The following HIVEP1 variants were observed in gnomAD, a reference collection of about 807,000 sequenced individuals.
HIVEP1 encodes zinc finger protein 40.
A neutral mutation model predicts 180.0 loss-of-function variants in HIVEP1; 36 were observed. The ratio of observed to expected loss-of-function variants is 0.20; its 90% CI spans 0.15 to 0.26. HIVEP1 has a LOEUF of 0.26. HIVEP1 is among the 10% of genes least tolerant of loss of function. The pLI, the probability that HIVEP1 is intolerant of heterozygous loss-of-function variation, is 1.00. For synonymous variants in HIVEP1, 1,239 were observed against 1,239.0 expected, an observed-to-expected ratio of 1.00 and a Z score of 0.00; for missense variants, 3,143 against 3,268.7, an observed-to-expected ratio of 0.96 and a Z score of 0.94.
the HIVEP1 span, among the ~76,000 whole-genome samples, chr6:12,179,332 G>C: frequency 6.6e-6 from 1 of 152,040 alleles, no homozygotes; most frequent in Non-Finnish European, 1.5e-5. Flanking sequence ...CAGTGGTCCT[G>C]TTCCTCACCT....
the HIVEP1 span, among the ~76,000 whole-genome samples, chr6:12,179,764 A>G: frequency 2.0e-5 from 3 of 152,212 alleles, no homozygotes; most frequent in African/African-American, 7.2e-5. Flanking sequence ...AGCAAAACCA[A>G]AAGTTCAGTA....
intron 2 of HIVEP1, among the ~76,000 whole-genome samples, chr6:12,062,050 T>C (rs542801296): frequency 6.6e-6 from 1 of 152,296 alleles, no homozygotes; most frequent in African/African-American, 2.4e-5. Flanking sequence ...TAATGCATAT[T>C]ACAACTTATT....
At chr6:12,146,697 G>C (rs1759393087) in intron 7 of HIVEP1, among the ~76,000 whole-genome samples, 2 of 152,090 alleles carry the variant, frequency 1.3e-5, no homozygotes, top group Admixed American at 1.3e-4. Flanking sequence ...CCTCAGTAAT[G>C]ATCATTCCAG....
At position 12,120,820 on chromosome 6, in the gene HIVEP1, G is replaced by A. The variant is rs1281453245; in HGVS notation, c.1025G>A (p.Arg342Lys). The A allele has an allele frequency of 1.9e-6, 3 of 1,614,034 alleles. No homozygotes were observed. Among genetic ancestry groups the A allele is most frequent in the Non-Finnish European group, 2.5e-6 (3 of 1,180,030 alleles). Residue 342 changes from arginine (R) to lysine (K), a missense_variant, in exon 4 of 9, where the codon AGA becomes AAA. Arg to Lys is a conservative substitution (Grantham distance 26, BLOSUM62 2). Coordinates refer to ENST00000379388, the MANE Select transcript of HIVEP1 (RefSeq NM_002114.4). ...SSVGLTSPSS[R>K]SQVTPQNQQM... ...GTAGGCCTAACTTCACCTTCCAGTA[G>A]ATCTCAGGTTACTCCTCAAAACCAG...
the HIVEP1 span, among the ~76,000 whole-genome samples, chr6:12,173,485 A>G: frequency 6.6e-6 from 1 of 152,230 alleles, no homozygotes; most frequent in African/African-American, 2.4e-5. Flanking sequence ...TAAAAAGCGT[A>G]AGAGAGAAAA....
chr6:12,070,105 T>G (rs553772322), intron 2 of HIVEP1, among the ~76,000 whole-genome samples: 32 of 152,294 alleles, frequency 2.1e-4, no homozygotes, highest in Middle Eastern at 3.4e-3. Context: ...GAACAGTGCT[T>G]CTTCTGGAAT....
At chr6:12,113,079 G>A (rs1027520360) in intron 3 of HIVEP1, among the ~76,000 whole-genome samples, 2 of 151,786 alleles carry the variant, frequency 1.3e-5, no homozygotes, top group African/African-American at 4.8e-5. Flanking sequence ...CTCTGGCCTC[G>A]TCCTGCCCCT....
the HIVEP1 span, among the ~76,000 whole-genome samples, chr6:12,206,269 G>C: frequency 6.6e-6 from 1 of 152,128 alleles, no homozygotes; most frequent in Non-Finnish European, 1.5e-5. Context: ...GAGTAGCTGG[G>C]ATTGCAGGTG....
At chr6:12,110,427 T>C (rs956851466) in intron 3 of HIVEP1, among the ~76,000 whole-genome samples, 12 of 152,258 alleles carry the variant, frequency 7.9e-5, no homozygotes, top group African/African-American at 2.7e-4. Flanking sequence ...TCAGTTATCT[T>C]AGCAAAATCT....
chr6:12,071,028 T>A (rs1771933410), intron 2 of HIVEP1, among the ~76,000 whole-genome samples: 2 of 152,212 alleles, frequency 1.3e-5, no homozygotes, highest in South Asian at 4.1e-4. Flanking sequence ...TCAGAATCAG[T>A]AGGTCCTGAC....
chr6:12,050,176 C>T (rs751548821), intron 2 of HIVEP1, among the ~76,000 whole-genome samples: 74 of 152,298 alleles, frequency 4.9e-4, no homozygotes, highest in Admixed American at 2.1e-3. Context: ...TAGTAAACCG[C>T]GATTGGGTTT....
At chr6:12,159,218 G>A (rs1034052187) in intron 7 of HIVEP1, among the ~76,000 whole-genome samples, 7 of 151,582 alleles carry the variant, frequency 4.6e-5, no homozygotes, top group Admixed American at 6.6e-5. Flanking sequence ...GCGCGCGCGC[G>A]TGCACGTGCA....
At chr6:12,131,937 T>G (rs1758445147) in intron 6 of HIVEP1, among the ~76,000 whole-genome samples, 1 of 152,162 alleles carries the variant, frequency 6.6e-6, no homozygotes, top group African/African-American at 2.4e-5. Flanking sequence ...TTACATTTTT[T>G]GGCTAGTATT....
chr6:12,029,560 C>T (rs1451094807), intron 2 of HIVEP1, among the ~76,000 whole-genome samples: 2 of 151,738 alleles, frequency 1.3e-5, no homozygotes, highest in East Asian at 3.9e-4. Flanking sequence ...ATTTTGATTT[C>T]TCTTTCTTTT....
rs1771340307 is a variant in HIVEP1, at chr6:12,063,024, C to T, written c.41-26160C>T. The stretch of plus-strand genomic sequence containing the variant: ...TTCTTGTGCTAAATGTGAAGACTCC[C>T]CTGTTAGTAGTAGTTATTGCTAACA... On this transcript the variant is annotated intron_variant, in intron 2 of 8. Transcript: ENST00000379388. This position sits in a 1 kb window ranked among gnomAD's most constrained non-coding sequence, Gnocchi z 4.2. Among the ~76,000 whole-genome samples, 1 of 152,020 alleles carries T rather than the reference C, an allele frequency of 6.6e-6. No individual in the cohort carries two copies. The highest frequency in any genetic ancestry group is 2.1e-4 in the South Asian group (1 of 4,816).
Position 12,152,046 on chromosome 6 carries a change from C to CA in HIVEP1, c.6488-9393_6488-9392insA. On this transcript the variant is annotated intron_variant, in intron 7 of 8. Coordinates refer to ENST00000379388, the MANE Select transcript of HIVEP1 (RefSeq NM_002114.4). ...TGGCGGGCACCTGTAATCCCAGCTA[C>CA]TCGGGAGGCTGAAGCAGGAGAATCG... 3.3e-5 allele frequency among the ~76,000 whole-genome samples: 5 copies of CA among 152,234 alleles called. No homozygotes were observed. In the Middle Eastern group the frequency reaches 0.017, roughly 518 times the overall value.
At position 12,015,555 on chromosome 6, in the gene HIVEP1, T is replaced by C; in HGVS notation, c.-74T>C. The C allele has an allele frequency of 3.2e-6, 4 of 1,248,694 alleles. No individual in the cohort carries two copies. Among genetic ancestry groups the C allele is most frequent in the South Asian group, 1.2e-5 (1 of 80,764 alleles). 77.4% of individuals were successfully genotyped at this position (1,248,694 alleles called of 1,614,324 possible). A position where few individuals can be genotyped will look rare whatever the true frequency, so the allele number is the denominator to read the frequency against. ...TGGATTAATTGATGTATGTTGAGTT[T>C]ATGGAGCTGCCTTTTGGTGGCTTGC... On this transcript the variant is annotated 5_prime_UTR_variant, in exon 2 of 9. Transcript: ENST00000379388.
At chr6:12,152,374 C>T (rs970835431) in intron 7 of HIVEP1, among the ~76,000 whole-genome samples, 17 of 151,830 alleles carry the variant, frequency 1.1e-4, no homozygotes, top group African/African-American at 3.4e-4. Context: ...TTTATCAGTA[C>T]GACTTTTGAT....
rs149857990 is a variant in HIVEP1, at chr6:12,082,629, C to T, written c.41-6555C>T. 2.4e-3 allele frequency among the ~76,000 whole-genome samples: 359 copies of T among 152,282 alleles called. 2 individuals carry two copies. The highest frequency in any genetic ancestry group is 0.011 in the South Asian group (53 of 4,828). ...CACTAGACTCTGCTCTCTCTAGATT[C>T]ATGTATCCAAACTGCTTTGAGTTCT... is the stretch of plus-strand genomic sequence containing the variant. On this transcript the variant is annotated intron_variant, in intron 2 of 8. Transcript: ENST00000379388.
Sources: gnomAD v4.1 joint callset for allele counts (sites outside exome capture counted in the v4.1 genomes callset) on GRCh38, gnomAD v4.1.1 for gene constraint, Gnocchi (gnomAD v3.1) non-coding constraint, MANE v1.5 for transcripts, NCBI Gene and HGNC (gene_info 2026-07-23, HGNC 2026-07-21) for gene names.